The following PITPNC1 variants were observed in gnomAD, a reference collection of about 807,000 sequenced individuals.
PITPNC1 encodes the protein phosphatidylinositol transfer protein cytoplasmic 1, also known as cytoplasmic phosphatidylinositol transfer protein 1.
In PITPNC1, 18 loss-of-function variants were observed where a neutral mutation model predicts 44.7. That is an observed-to-expected ratio of 0.40 (90% confidence interval 0.28 to 0.60). PITPNC1 has a LOEUF of 0.60. Ranked by LOEUF, PITPNC1 falls within the 20% of genes least tolerant of loss-of-function variation. The pLI, the probability that PITPNC1 is intolerant of heterozygous loss-of-function variation, is 0.39. For missense variants in PITPNC1, 290 were observed against 418.4 expected (o/e 0.69, Z 2.68); for synonymous variants, 141 against 149.6 (o/e 0.94, Z 0.42).
chr17:67,595,803 G>T (rs2041452621), intron 5 of PITPNC1, among the ~76,000 whole-genome samples: 1 of 152,228 alleles, frequency 6.6e-6, no homozygotes, highest in Non-Finnish European at 1.5e-5. Context: ...ACATAAATTT[G>T]TTAAATATAA....
chr17:67,394,826 C>T (rs955617146), intron 1 of PITPNC1, among the ~76,000 whole-genome samples: 6 of 151,488 alleles, frequency 4.0e-5, no homozygotes, highest in Admixed American at 2.0e-4. Flanking sequence ...ACCCGGGAGG[C>T]GGAGCTTGCA....
At position 67,377,452 on chromosome 17, in the gene PITPNC1, A is replaced by G. The variant is rs2037888680; in HGVS notation, c.-703A>G. On this transcript the variant is annotated 5_prime_UTR_variant, in exon 1 of 9. Coordinates refer to ENST00000581322, the MANE Select transcript of PITPNC1 (RefSeq NM_012417.4). ...CTCCCGCCCGCCCCTGGCAGCCGCG[A>G]GCCGAGGTTGGAGGCGCCCGGGGCC... 6.5e-6 allele frequency: 1 copy of G among 152,790 alleles called. No individual in the cohort carries two copies. The highest frequency in any genetic ancestry group is 1.5e-5 in the Non-Finnish European group (1 of 68,038). The allele number at this position is 152,790 out of a possible 1,614,324, so 9.5% of individuals were successfully genotyped here.
At chr17:67,645,168 G>T (rs551335501) in intron 6 of PITPNC1, among the ~76,000 whole-genome samples, 1 of 151,956 alleles carries the variant, frequency 6.6e-6, no homozygotes, top group African/African-American at 2.4e-5. Flanking sequence ...CGGAGAAACC[G>T]CATCTCTACT....
chr17:67,549,661 T>C (rs146465962), intron 2 of PITPNC1, among the ~76,000 whole-genome samples: 304 of 152,090 alleles, frequency 2.0e-3, no homozygotes, highest in African/African-American at 7.2e-3. Flanking sequence ...TAAATTGCTA[T>C]AGGAAATGAA....
intron 1 of PITPNC1, among the ~76,000 whole-genome samples, chr17:67,452,581 C>T (rs1332834661): frequency 2.0e-5 from 3 of 151,072 alleles, no homozygotes; most frequent in African/African-American, 7.3e-5. Context: ...CAACCTCCTC[C>T]TCCTGGGTTC....
At chr17:67,575,586 G>C (rs981033792) in intron 4 of PITPNC1, among the ~76,000 whole-genome samples, 3 of 152,208 alleles carry the variant, frequency 2.0e-5, no homozygotes, top group Admixed American at 2.0e-4. Context: ...GGTGCCACCA[G>C]GGGTCTCAGC....
intron 1 of PITPNC1, among the ~76,000 whole-genome samples, chr17:67,428,909 C>T (rs1293273823): frequency 1.5e-5 from 2 of 134,842 alleles, no homozygotes; most frequent in African/African-American, 2.8e-5. Flanking sequence ...GGTGTGATCT[C>T]GGCTCACTGC....
intron 5 of PITPNC1, chr17:67,613,486 G>C (rs187185241): frequency 6.6e-6 from 1 of 152,114 alleles, no homozygotes; most frequent in Non-Finnish European, 1.5e-5. Context: ...AAAAGGAAAG[G>C]TCTTAAACAT....
intron 1 of PITPNC1, among the ~76,000 whole-genome samples, chr17:67,522,200 A>G (rs1356211846): frequency 6.6e-6 from 1 of 152,060 alleles, no homozygotes; most frequent in East Asian, 1.9e-4. Flanking sequence ...GCTACTCAGG[A>G]GGTTGAAGCA....
At chr17:67,486,260 A>T (rs1291714245) in intron 1 of PITPNC1, among the ~76,000 whole-genome samples, 1 of 151,798 alleles carries the variant, frequency 6.6e-6, no homozygotes, top group African/African-American at 2.4e-5. Context: ...GTCTTGGGCT[A>T]TATATATATA....
intron 1 of PITPNC1, among the ~76,000 whole-genome samples, chr17:67,427,122 G>A (rs1330474183): frequency 2.0e-5 from 3 of 152,128 alleles, no homozygotes; most frequent in African/African-American, 7.2e-5. Flanking sequence ...TGGTTGTCTG[G>A]AATGAGTTCA....
rs71139151 is a variant in PITPNC1, at chr17:67,502,744, C to CATTGTATTGTATTGTATTGTATTGT, written c.49-30019_49-29995dup. 9.5e-4 allele frequency among the ~76,000 whole-genome samples: 131 copies of CATTGTATTGTATTGTATTGTATTGT among 137,916 alleles called. 2 individuals carry two copies. Among genetic ancestry groups the CATTGTATTGTATTGTATTGTATTGT allele is most frequent in the African/African-American group, 1.8e-3 (64 of 34,662 alleles). 90.5% of individuals were successfully genotyped at this position (137,916 alleles called of 152,430 possible). On this transcript the variant is annotated intron_variant, in intron 1 of 8. Transcript: ENST00000581322. ...GAAGTAAGATTATTGCATTGCATTG[C>CATTGTATTGTATTGTATTGTATTGT]ATTGTATTGTATTGTATTGTATTGT...
At chr17:67,625,944 CATT>C in intron 5 of PITPNC1, among the ~76,000 whole-genome samples, 1 of 151,710 alleles carries the variant, frequency 6.6e-6, no homozygotes, top group Admixed American at 6.6e-5. Flanking sequence ...CCCTGAAACC[CATT>C]CATCTAGACT....
intron 5 of PITPNC1, among the ~76,000 whole-genome samples, chr17:67,610,794 G>A (rs1185462312): frequency 2.6e-5 from 4 of 151,906 alleles, no homozygotes; most frequent in East Asian, 1.9e-4. Context: ...TGGGGCATGC[G>A]CCTGTAGTCC....
At chr17:67,434,743 G>T (rs1390178244) in intron 1 of PITPNC1, among the ~76,000 whole-genome samples, 1 of 151,156 alleles carries the variant, frequency 6.6e-6, no homozygotes, top group African/African-American at 2.4e-5. Context: ...AGCCCAGGAG[G>T]TGGAGGTTGC....
intron 5 of PITPNC1, among the ~76,000 whole-genome samples, chr17:67,582,221 T>G (rs907001924): frequency 2.0e-5 from 3 of 152,196 alleles, no homozygotes; most frequent in African/African-American, 7.2e-5. Flanking sequence ...TGTGCTCTTT[T>G]TCTGTCCTGG....
At chr17:67,504,310 TACA>T (rs1435372033) in intron 1 of PITPNC1, among the ~76,000 whole-genome samples, 3 of 152,174 alleles carry the variant, frequency 2.0e-5, no homozygotes, top group Admixed American at 2.0e-4. Context: ...CAAATGAAAA[TACA>T]ACAACACTGT....
chr17:67,655,866 G>GC (rs2042260773), intron 6 of PITPNC1, among the ~76,000 whole-genome samples: 1 of 151,310 alleles, frequency 6.6e-6, no homozygotes, highest in African/African-American at 2.4e-5. Flanking sequence ...GGAGCTCAAG[G>GC]CTGCAGTGAG....
At chr17:67,577,008 G>A (rs1235868887) in intron 4 of PITPNC1, among the ~76,000 whole-genome samples, 2 of 152,150 alleles carry the variant, frequency 1.3e-5, no homozygotes, top group Non-Finnish European at 2.9e-5. Flanking sequence ...TCGCCCGGAT[G>A]CAGTGGCTCA....
Sources: allele counts gnomAD v4.1 joint callset (sites outside exome capture counted in the v4.1 genomes callset), GRCh38; gene constraint gnomAD v4.1.1; transcripts MANE v1.5; gene names NCBI Gene and HGNC (gene_info 2026-07-23, HGNC 2026-07-21).